The following TNFSF13B variants were observed in gnomAD, a reference collection of about 807,000 sequenced individuals.
TNFSF13B encodes TNF superfamily member 13b, also known as tumor necrosis factor ligand superfamily member 13B.
TNFSF13B carries 8 observed loss-of-function variants against 29.1 expected under a neutral mutation model. The observed-to-expected ratio is 0.27, with a 90% CI of 0.16 to 0.50. The LOEUF (loss-of-function observed/expected upper bound fraction) is 0.50. Among genes scored for constraint, TNFSF13B ranks in the 20% least tolerant of loss-of-function variants. TNFSF13B has a pLI of 0.98. For synonymous variants in TNFSF13B, 125 were observed against 130.8 expected (o/e 0.96, Z 0.30); for missense variants, 248 against 334.9 (o/e 0.74, Z 2.03).
At chr13:108,295,276 G>A (rs1881432587) in intron 3 of TNFSF13B, among the ~76,000 whole-genome samples, 1 of 145,336 alleles carries the variant, frequency 6.9e-6, no homozygotes, top group Non-Finnish European at 1.5e-5. Context: ...CCAGGTTCAG[G>A]CGATTCTCCT....
At chr13:108,286,896 A>G in intron 3 of TNFSF13B, 37 bp downstream of exon 3, 1 of 1,438,938 alleles carries the variant, frequency 6.9e-7, no homozygotes, top group Non-Finnish European at 9.5e-7. Flanking sequence ...ACCAAGCCAA[A>G]TGTCCATCAA....
At chr13:108,303,187 A>G in intron 3 of TNFSF13B, 66 bp from the exon 4 acceptor site, 1 of 1,034,430 alleles carries the variant, frequency 9.7e-7, no homozygotes, top group Non-Finnish European at 1.4e-6. Flanking sequence ...GTAGCTTAAC[A>G]ACTAAATGGA....
At chr13:108,279,239 T>C (rs1388789645) in intron 2 of TNFSF13B, among the ~76,000 whole-genome samples, 3 of 152,178 alleles carry the variant, frequency 2.0e-5, no homozygotes, top group Middle Eastern at 3.2e-3. Flanking sequence ...ACACTGAAAA[T>C]TTGTGAATGG....
chr13:108,289,077 A>AAAC, intron 3 of TNFSF13B, among the ~76,000 whole-genome samples: 2 of 145,414 alleles, frequency 1.4e-5, no homozygotes, highest in South Asian at 4.5e-4. Context: ...GTTTCCTAAG[A>AAAC]AGTAAAAGAA....
At chr13:108,284,284 G>A (rs549048164) in intron 2 of TNFSF13B, among the ~76,000 whole-genome samples, 2 of 152,216 alleles carry the variant, frequency 1.3e-5, no homozygotes, top group African/African-American at 2.4e-5. Context: ...AGCTGAGATC[G>A]CGCCACTGCA....
rs1166368664 is a variant in TNFSF13B at position 108,284,347 on chromosome 13, TAAATAAATGAATAAATAAACAAACAAAC to T, written c.425-2452_425-2425del. Among the ~76,000 whole-genome samples, 5 of 133,432 alleles carry T rather than the reference TAAATAAATGAATAAATAAACAAACAAAC, an allele frequency of 3.7e-5. No homozygotes were observed. The South Asian group carries it at 7.3e-4, about 19-fold the overall frequency. 87.5% of individuals were successfully genotyped at this position (133,432 alleles called of 152,430 possible). On this transcript the variant is annotated intron_variant, in intron 2 of 5. Coordinates refer to ENST00000375887, the MANE Select transcript of TNFSF13B (RefSeq NM_006573.5). ...CCGTCTCAAAAAATAAATAAATAAA[TAAATAAATGAATAAATAAACAAACAAAC>T]AAACAAACAAACAATAAAAAAAGAC...
intron 2 of TNFSF13B, among the ~76,000 whole-genome samples, chr13:108,274,230 C>T (rs1012797302): frequency 3.3e-5 from 5 of 151,572 alleles, no homozygotes; most frequent in Non-Finnish European, 7.4e-5. Context: ...TGCATGGGGT[C>T]AGTGACCCTA....
intron 3 of TNFSF13B, among the ~76,000 whole-genome samples, chr13:108,288,900 G>A (rs949848612): frequency 1.3e-5 from 2 of 152,196 alleles, no homozygotes; most frequent in Non-Finnish European, 2.9e-5. Flanking sequence ...ATGAATGTGA[G>A]TTGGCACTGG....
At chr13:108,271,483 C>G (rs949223288) in intron 2 of TNFSF13B, among the ~76,000 whole-genome samples, 6 of 148,996 alleles carry the variant, frequency 4.0e-5, no homozygotes, top group African/African-American at 7.4e-5. Context: ...CACACACACA[C>G]ACACACGCAT....
intron 5 of TNFSF13B, among the ~76,000 whole-genome samples, chr13:108,306,418 A>G (rs1566410903): frequency 6.6e-6 from 1 of 151,980 alleles, no homozygotes; most frequent in Non-Finnish European, 1.5e-5. Context: ...TAGTATATAT[A>G]TGTGTGTGTA....
intron 5 of TNFSF13B, among the ~76,000 whole-genome samples, chr13:108,305,233 C>G (rs564238891): frequency 1.4e-4 from 22 of 152,102 alleles, no homozygotes; most frequent in African/African-American, 5.1e-4. Flanking sequence ...CATTTAAAAC[C>G]ACACATTAGA....
At position 108,294,681 on chromosome 13, in the gene TNFSF13B, G is replaced by A. The variant is rs1881418805; in HGVS notation, c.481+7822G>A. On this transcript the variant is annotated intron_variant, in intron 3 of 5. Transcript: ENST00000375887. ...GGTTGATTCTGGCCTGTAGTTTTTT[G>A]TGGTGTCTTTGTGTGGCATTGATAT... is the stretch of plus-strand genomic sequence containing the variant. Among the ~76,000 whole-genome samples the A allele has an allele frequency of 1.8e-5, 2 of 109,334 alleles. 1 individual carries two copies. The highest frequency in any genetic ancestry group is 4.2e-5 in the Non-Finnish European group (2 of 47,750). The allele number at this position is 109,334 out of a possible 152,430, so 71.7% of individuals were successfully genotyped here.
chr13:108,271,995 C>T (rs781452788), intron 2 of TNFSF13B, among the ~76,000 whole-genome samples: 3 of 151,986 alleles, frequency 2.0e-5, no homozygotes, highest in Admixed American at 6.6e-5. Flanking sequence ...CCCTTGCTTC[C>T]GACTGCCATA....
In TNFSF13B at chr13:108,298,019, C is replaced by T. The variant is rs1384810171; in HGVS notation, c.482-5234C>T. Reference sequence around the variant, plus strand: ...TGGAAATGGCATTTTTTAAATGTCTCTGTAGTTTTAACTTTGTTCCAGAGT... The same window carrying T: ...TGGAAATGGCATTTTTTAAATGTCTTTGTAGTTTTAACTTTGTTCCAGAGT... On this transcript the variant is annotated intron_variant, in intron 3 of 5. Transcript: ENST00000375887. 3.4e-5 allele frequency among the ~76,000 whole-genome samples: 5 copies of T among 145,892 alleles called. 2 individuals are homozygous for T. The highest frequency in any genetic ancestry group is 1.3e-4 in the African/African-American group (5 of 38,902).
At chr13:108,270,950 T>TACACACACACACACAC (rs138902471) in intron 2 of TNFSF13B, among the ~76,000 whole-genome samples, 58 of 150,578 alleles carry the variant, frequency 3.9e-4, no homozygotes, top group African/African-American at 1.3e-3. Context: ...AAGGTTATTT[T>TACACACACACACACAC]ACACACACAC....
intron 3 of TNFSF13B, among the ~76,000 whole-genome samples, chr13:108,290,179 T>A (rs1218799025): frequency 6.6e-6 from 1 of 152,132 alleles, no homozygotes; most frequent in African/African-American, 2.4e-5. Context: ...ATTCTTTACT[T>A]AACAATGTAT....
At chr13:108,277,354 C>T (rs1359402770) in intron 2 of TNFSF13B, among the ~76,000 whole-genome samples, 2 of 152,258 alleles carry the variant, frequency 1.3e-5, no homozygotes, top group East Asian at 3.9e-4. Context: ...TAAATGATGA[C>T]TTCAATCTAT....
chr13:108,307,075 T>A lies in TNFSF13B; in HGVS notation c.*137T>A. 1 of 619,414 alleles carries A rather than the reference T, an allele frequency of 1.6e-6. No homozygotes were observed. The highest frequency in any genetic ancestry group is 2.7e-6 in the Non-Finnish European group (1 of 374,426). The allele number at this position is 619,414 out of a possible 1,614,324, so 38.4% of individuals were successfully genotyped here. A position where few individuals can be genotyped will look rare whatever the true frequency, so the allele number is the denominator to read the frequency against. Reference sequence around the variant, plus strand: ...AGTTACCATTGCCTTTTCTGTGAGCTATTTGTTTTGGTTTGCTGAAACTAG... The same window carrying A: ...AGTTACCATTGCCTTTTCTGTGAGCAATTTGTTTTGGTTTGCTGAAACTAG... On this transcript the variant is annotated 3_prime_UTR_variant, in exon 6 of 6. Transcript: ENST00000375887.
intron 2 of TNFSF13B, among the ~76,000 whole-genome samples, chr13:108,283,424 A>G (rs1242651695): frequency 6.6e-6 from 1 of 152,224 alleles, no homozygotes; most frequent in Non-Finnish European, 1.5e-5. Flanking sequence ...ACAGTTCTTG[A>G]AAGAAACTTT....
Sources: allele counts gnomAD v4.1 joint callset (sites outside exome capture counted in the v4.1 genomes callset), GRCh38; gene constraint gnomAD v4.1.1; transcripts MANE v1.5; gene names NCBI Gene and HGNC (gene_info 2026-07-23, HGNC 2026-07-21).